Variants in GABRB2 observed in about 807,000 individuals in gnomAD.
The protein encoded by GABRB2 is gamma-aminobutyric acid receptor subunit beta-2.
Under a neutral mutation model 54.7 loss-of-function variants are expected in GABRB2, and 16 were observed. The observed-to-expected ratio is 0.29, with a 90% CI of 0.20 to 0.44. GABRB2 has a LOEUF of 0.44. GABRB2 is among the 20% of genes least tolerant of loss of function. GABRB2 has a pLI of 1.00. For synonymous variants in GABRB2, 244 were observed against 233.8 expected, an observed-to-expected ratio of 1.04 and a Z score of -0.40; for missense variants, 355 against 644.0, an observed-to-expected ratio of 0.55 and a Z score of 4.86.
At chr5:161,350,041 A>G (rs561377519) in intron 5 of GABRB2, among the ~76,000 whole-genome samples, 3 of 152,280 alleles carry the variant, frequency 2.0e-5, no homozygotes, top group Admixed American at 2.0e-4. Context: ...TTAGCAAATT[A>G]GGTATAGAAG....
At chr5:161,449,936 T>C (rs1212700643) in intron 4 of GABRB2, among the ~76,000 whole-genome samples, 1 of 152,176 alleles carries the variant, frequency 6.6e-6, no homozygotes, top group Non-Finnish European at 1.5e-5. Flanking sequence ...ATCAGGAACA[T>C]GCAAGTACTA....
At chr5:161,388,407 T>C (rs924229787) in intron 5 of GABRB2, among the ~76,000 whole-genome samples, 1 of 152,056 alleles carries the variant, frequency 6.6e-6, no homozygotes, top group Non-Finnish European at 1.5e-5. Flanking sequence ...CCTATCGAAA[T>C]TTTTCAAACT....
At chr5:161,364,907 T>G (rs138346985) in intron 5 of GABRB2, among the ~76,000 whole-genome samples, 31 of 152,314 alleles carry the variant, frequency 2.0e-4, no homozygotes, top group African/African-American at 7.5e-4. Context: ...TTAAAATACT[T>G]TAATTAAGAA....
At chr5:161,374,007 G>A (rs1295798236) in intron 5 of GABRB2, among the ~76,000 whole-genome samples, 2 of 152,016 alleles carry the variant, frequency 1.3e-5, no homozygotes, top group Non-Finnish European at 2.9e-5. Context: ...GCAGTGGCAC[G>A]ATCTCGGCTC....
rs138754301 is a variant in GABRB2 at position 161,494,187 on chromosome 5, T to C, written c.238-34343A>G. Among the ~76,000 whole-genome samples, 99 of 151,942 alleles carry C rather than the reference T, an allele frequency of 6.5e-4. 1 individual carries two copies. Among genetic ancestry groups the C allele is most frequent in the African/African-American group, 2.3e-3 (95 of 41,542 alleles). ...TAGCAGCCAAGCATTGTAGGTACTA[T>C]AGTAGTGACAAGATTGGATAAACAT... is the stretch of plus-strand genomic sequence containing the variant. On this transcript the variant is annotated intron_variant, in intron 3 of 9. Coordinates refer to ENST00000393959, the MANE Select transcript of GABRB2 (RefSeq NM_001371727.1).
chr5:161,547,475 A>G (rs1269914337), upstream of GABRB2, among the ~76,000 whole-genome samples: 1 of 151,332 alleles, frequency 6.6e-6, no homozygotes, highest in Non-Finnish European at 1.5e-5. Flanking sequence ...TCCTCTCCTC[A>G]CCCTTTGCCC....
At chr5:161,330,300 T>G (rs1753793641) in intron 8 of GABRB2, 1 of 152,204 alleles carries the variant, frequency 6.6e-6, no homozygotes, top group Non-Finnish European at 1.5e-5. Flanking sequence ...AGGAGAAAAT[T>G]ATTTGTCTTT....
intron 5 of GABRB2, among the ~76,000 whole-genome samples, chr5:161,399,048 T>C (rs1756097682): frequency 6.6e-6 from 1 of 152,174 alleles, no homozygotes; most frequent in Admixed American, 6.5e-5. Context: ...ACTTCTTTTA[T>C]GGAGGTGGGT....
chr5:161,434,509 C>A (rs1206688460), intron 4 of GABRB2, among the ~76,000 whole-genome samples: 1 of 151,996 alleles, frequency 6.6e-6, no homozygotes. Flanking sequence ...ATGTTCCAGC[C>A]TTTCTCAAAA....
At chr5:161,541,915 C>A (rs78797130) in intron 3 of GABRB2, among the ~76,000 whole-genome samples, 2 of 152,270 alleles carry the variant, frequency 1.3e-5, no homozygotes, top group African/African-American at 2.4e-5. Context: ...TCTGCCTGTC[C>A]CAGCTTTTGA....
chr5:161,388,335 CT>C (rs1437506951), intron 5 of GABRB2, among the ~76,000 whole-genome samples: 4 of 152,038 alleles, frequency 2.6e-5, no homozygotes, highest in Non-Finnish European at 5.9e-5. Flanking sequence ...AAAAATTAAT[CT>C]GTTAGTATAT....
At chr5:161,391,656 A>G (rs548625499) in intron 5 of GABRB2, among the ~76,000 whole-genome samples, 5 of 152,308 alleles carry the variant, frequency 3.3e-5, no homozygotes, top group African/African-American at 9.6e-5. Context: ...ACAACAAATT[A>G]AGAAATGTCT....
intron 3 of GABRB2, among the ~76,000 whole-genome samples, chr5:161,522,463 C>A (rs1760144462): frequency 6.6e-6 from 1 of 151,732 alleles, no homozygotes; most frequent in Non-Finnish European, 1.5e-5. Flanking sequence ...CGGAAAAAAG[C>A]AAACTTTCTG....
intron 3 of GABRB2, among the ~76,000 whole-genome samples, chr5:161,525,879 C>T (rs1175919961): frequency 6.6e-6 from 1 of 151,144 alleles, no homozygotes; most frequent in African/African-American, 2.4e-5. Context: ...ATTTCATACC[C>T]AAATTTATAT....
chr5:161,369,481 A>C (rs1755068456), intron 5 of GABRB2, among the ~76,000 whole-genome samples: 1 of 152,010 alleles, frequency 6.6e-6, no homozygotes, highest in Admixed American at 6.6e-5. Flanking sequence ...CTTGTCCTTT[A>C]ATTTAGAAAG....
chr5:161,367,441 A>C (rs1321250411), intron 5 of GABRB2, among the ~76,000 whole-genome samples: 1 of 152,234 alleles, frequency 6.6e-6, no homozygotes, highest in Non-Finnish European at 1.5e-5. Flanking sequence ...TGAACATTTA[A>C]ATAAAAATTG....
At chr5:161,449,186 G>GT (rs1757722045) in intron 4 of GABRB2, among the ~76,000 whole-genome samples, 1 of 152,102 alleles carries the variant, frequency 6.6e-6, no homozygotes, top group Non-Finnish European at 1.5e-5. Context: ...TAGATCATGG[G>GT]TTTTGAGTTC....
chr5:161,397,193 C>T (rs1188309460), intron 5 of GABRB2, among the ~76,000 whole-genome samples: 1 of 152,166 alleles, frequency 6.6e-6, no homozygotes, highest in Non-Finnish European at 1.5e-5. Context: ...TAGAAAGACA[C>T]AGTCAAGTAA....
Position 161,293,837 on chromosome 5 carries a change from G to A in GABRB2, c.*244C>T, listed in dbSNP as rs770352158. The A allele has an allele frequency of 8.1e-6, 4 of 492,292 alleles. No homozygotes were observed. The highest frequency in any genetic ancestry group is 7.7e-5 in the African/African-American group (4 of 52,064). The allele number at this position is 492,292 out of a possible 1,614,324, so 30.5% of individuals were successfully genotyped here. On this transcript the variant is annotated 3_prime_UTR_variant, in exon 10 of 10. Coordinates refer to ENST00000393959, the MANE Select transcript of GABRB2 (RefSeq NM_001371727.1). ...TAAACAGACAACATGGAGCACTCAGGCTGTCTAGCCACCATGTGTAAAAAT... is the reference window on the plus strand; with the variant it reads ...TAAACAGACAACATGGAGCACTCAGACTGTCTAGCCACCATGTGTAAAAAT...
Sources: gnomAD v4.1 joint callset for allele counts (sites outside exome capture counted in the v4.1 genomes callset) on GRCh38, gnomAD v4.1.1 for gene constraint, MANE v1.5 for transcripts, NCBI Gene and HGNC (gene_info 2026-07-23, HGNC 2026-07-21) for gene names.